The following C17orf67 variants were observed in gnomAD, a reference collection of about 807,000 sequenced individuals.
The protein encoded by C17orf67 is uncharacterized protein C17orf67.
In C17orf67, 12 loss-of-function variants were observed where a neutral mutation model predicts 11.2. The ratio of observed to expected loss-of-function variants is 1.07; its 90% CI spans 0.68 to 1.73. C17orf67 has a LOEUF of 1.73. Ranked by LOEUF, C17orf67 falls within the 40% of genes most tolerant of loss-of-function variation. The pLI is 0.00. For missense variants in C17orf67, 115 were observed against 113.5 expected (o/e 1.01, Z -0.06); for synonymous variants, 59 against 46.9 (o/e 1.26, Z -1.05).
intron 7 of C17orf67, 142 bp downstream of exon 7, chr17:56,794,902 C>T: frequency 1.7e-6 from 1 of 597,308 alleles, no homozygotes; most frequent in East Asian, 2.8e-5. Flanking sequence ...TCCTGCCTCA[C>T]TCTTGCCACC....
At chr17:56,812,974 A>C (rs1284730437) in intron 6 of C17orf67, among the ~76,000 whole-genome samples, 2 of 152,232 alleles carry the variant, frequency 1.3e-5, no homozygotes, top group Non-Finnish European at 2.9e-5. Flanking sequence ...AGTTAGGACA[A>C]AGACTGTTAT....
At chr17:56,813,696 G>A (rs1057259594) in intron 6 of C17orf67, among the ~76,000 whole-genome samples, 9 of 151,964 alleles carry the variant, frequency 5.9e-5, no homozygotes, top group African/African-American at 1.2e-4. Context: ...CTACAGCCCC[G>A]GCACCTAGCA....
At chr17:56,822,967 T>A (rs1309985551) in intron 4 of C17orf67, among the ~76,000 whole-genome samples, 2 of 152,228 alleles carry the variant, frequency 1.3e-5, no homozygotes, top group African/African-American at 4.8e-5. Context: ...CTCAACTATG[T>A]CTGCCCAGCA....
intron 4 of C17orf67, among the ~76,000 whole-genome samples, chr17:56,820,491 C>T (rs1323797960): frequency 2.0e-5 from 3 of 152,064 alleles, no homozygotes; most frequent in East Asian, 1.9e-4. Flanking sequence ...ATGAACATAA[C>T]GTGCACAGCT....
chr17:56,796,411 G>A (rs576731776), intron 6 of C17orf67, among the ~76,000 whole-genome samples: 3 of 152,298 alleles, frequency 2.0e-5, no homozygotes, highest in African/African-American at 7.2e-5. Context: ...TGAACCTTGA[G>A]AACATTATGC....
chr17:56,822,461 T>G (rs1905927198), intron 4 of C17orf67, among the ~76,000 whole-genome samples: 1 of 152,082 alleles, frequency 6.6e-6, no homozygotes, highest in Non-Finnish European at 1.5e-5. Flanking sequence ...TTCTTAACTT[T>G]CCAAATCACT....
In C17orf67 at chr17:56,810,761, A is replaced by G. The variant is rs552187111; in HGVS notation, c.156+4108T>C. Among the ~76,000 whole-genome samples, 6 of 152,356 alleles carry G rather than the reference A, an allele frequency of 3.9e-5. No individual in the cohort carries two copies. In the East Asian group the frequency reaches 1.2e-3, roughly 29 times the overall value. On this transcript the variant is annotated intron_variant, in intron 6 of 7. Transcript: ENST00000397861. ...CTCCCCTGGCCAGAGGTCCAGGCTT[A>G]TCGGCTCCTCACCACCCAAGGACAA... is the stretch of plus-strand genomic sequence containing the variant.
chr17:56,830,421 A>G (rs1460994728), intron 2 of C17orf67, among the ~76,000 whole-genome samples: 1 of 152,186 alleles, frequency 6.6e-6, no homozygotes, highest in Admixed American at 6.5e-5. Flanking sequence ...GAATGTTTAA[A>G]GAGAAATTTC....
At chr17:56,802,145 G>C (rs1905337779) in intron 6 of C17orf67, among the ~76,000 whole-genome samples, 1 of 152,172 alleles carries the variant, frequency 6.6e-6, no homozygotes, top group Admixed American at 6.5e-5. Flanking sequence ...TCCAGATCCT[G>C]TCTGTCTCCC....
chr17:56,815,722 A>C lies in C17orf67; in HGVS notation c.55+34T>G, dbSNP rs781322015. Reference sequence around the variant, plus strand: ...ATAGACTATTATTTATCATGTCAGCATAGAAATAGGCTGTTTTTGGAGTCA... The same window carrying C: ...ATAGACTATTATTTATCATGTCAGCCTAGAAATAGGCTGTTTTTGGAGTCA... On this transcript the variant is annotated intron_variant, in intron 5 of 7. Coordinates refer to ENST00000397861, the MANE Select transcript of C17orf67 (RefSeq NM_001085430.4). The C allele has an allele frequency of 1.9e-6, 3 of 1,563,358 alleles. No homozygotes were observed. In the East Asian group the frequency reaches 6.8e-5, roughly 35 times the overall value.
At chr17:56,821,542 C>T (rs1905905138) in intron 4 of C17orf67, among the ~76,000 whole-genome samples, 1 of 152,186 alleles carries the variant, frequency 6.6e-6, no homozygotes, top group African/African-American at 2.4e-5. Flanking sequence ...ATCTCTCACC[C>T]AGCACCAGGC....
chr17:56,794,205 G>A (rs985709407), intron 7 of C17orf67, among the ~76,000 whole-genome samples: 19 of 152,188 alleles, frequency 1.2e-4, no homozygotes, highest in African/African-American at 4.3e-4. Context: ...ACATTATAAA[G>A]AGTGATTAAT....
At chr17:56,811,635 C>T (rs923396542) in intron 6 of C17orf67, among the ~76,000 whole-genome samples, 4 of 152,184 alleles carry the variant, frequency 2.6e-5, no homozygotes, top group African/African-American at 9.7e-5. Context: ...ACTCTGGCTC[C>T]ACCTCCACAC....
At chr17:56,821,532 A>C (rs375174293) in intron 4 of C17orf67, among the ~76,000 whole-genome samples, 3 of 152,164 alleles carry the variant, frequency 2.0e-5, no homozygotes, top group South Asian at 2.1e-4. Context: ...GGCCACTGTT[A>C]TCTCTCACCC....
At chr17:56,827,777 G>A (rs922129888) in intron 2 of C17orf67, among the ~76,000 whole-genome samples, 3 of 152,206 alleles carry the variant, frequency 2.0e-5, no homozygotes, top group South Asian at 2.1e-4. Context: ...CACACCTCAC[G>A]GGCTTAGTGA....
At chr17:56,809,502 C>T (rs980694031) in intron 6 of C17orf67, among the ~76,000 whole-genome samples, 5 of 151,048 alleles carry the variant, frequency 3.3e-5, no homozygotes, top group Non-Finnish European at 7.4e-5. Flanking sequence ...ACACACGAAC[C>T]CTCACACACC....
At chr17:56,822,138 T>A (rs2144144685) in intron 4 of C17orf67, among the ~76,000 whole-genome samples, 1 of 152,334 alleles carries the variant, frequency 6.6e-6, no homozygotes, top group Non-Finnish European at 1.5e-5. Context: ...TCCCTCAGAA[T>A]AAATGACAGT....
At chr17:56,794,951 C>G (rs1483306244) in intron 7 of C17orf67, 93 bp downstream of exon 7, 3 of 858,974 alleles carry the variant, frequency 3.5e-6, no homozygotes, top group Non-Finnish European at 3.7e-6. Flanking sequence ...AGCTGGCCCC[C>G]CTGAGGCATG....
chr17:56,799,628 T>C (rs574410140), intron 6 of C17orf67, among the ~76,000 whole-genome samples: 2 of 152,314 alleles, frequency 1.3e-5, no homozygotes, highest in Non-Finnish European at 2.9e-5. Context: ...TAAGAGTACG[T>C]CTGGTTTTGT....
Sources: allele counts gnomAD v4.1 joint callset (sites outside exome capture counted in the v4.1 genomes callset), GRCh38; gene constraint gnomAD v4.1.1; transcripts MANE v1.5; gene names NCBI Gene and HGNC (gene_info 2026-07-23, HGNC 2026-07-21).